Variants in CDH4 observed in about 807,000 individuals in gnomAD.
The protein encoded by CDH4 is cadherin 4.
In CDH4, 33 loss-of-function variants were observed where a neutral mutation model predicts 86.0. That is an observed-to-expected ratio of 0.38 (90% CI 0.29 to 0.51). The LOEUF is 0.51. Ranked by LOEUF, CDH4 falls within the 20% of genes least tolerant of loss-of-function variation. CDH4 has a pLI of 0.86. For synonymous variants in CDH4, 555 were observed against 549.4 expected (o/e 1.01, Z -0.14); for missense variants, 1,114 against 1,307.4 (o/e 0.85, Z 2.28).
intron 2 of CDH4, among the ~76,000 whole-genome samples, chr20:61,730,095 G>A (rs886551928): frequency 2.6e-5 from 4 of 152,114 alleles, no homozygotes; most frequent in Admixed American, 1.3e-4. Flanking sequence ...TCTTGCATTC[G>A]TGTGTTGCAT....
intron 2 of CDH4, among the ~76,000 whole-genome samples, chr20:61,266,061 G>A (rs2084156653): frequency 6.6e-6 from 1 of 152,162 alleles, no homozygotes; most frequent in African/African-American, 2.4e-5. Flanking sequence ...GAGTATGTGG[G>A]GATTTAGGGA....
At chr20:61,278,211 ATCATT>A (rs1207164325) in intron 2 of CDH4, among the ~76,000 whole-genome samples, 1 of 152,224 alleles carries the variant, frequency 6.6e-6, no homozygotes. Context: ...CATTGCCTGT[ATCATT>A]TCACTGCTGA....
chr20:61,658,683 T>C (rs2087219013), intron 2 of CDH4, among the ~76,000 whole-genome samples: 1 of 152,162 alleles, frequency 6.6e-6, no homozygotes, highest in Non-Finnish European at 1.5e-5. Context: ...GGGCCCGGGC[T>C]TGGGGGTCTG....
intron 2 of CDH4, among the ~76,000 whole-genome samples, chr20:61,571,885 A>C (rs2086344765): frequency 6.6e-6 from 1 of 151,148 alleles, no homozygotes; most frequent in African/African-American, 2.4e-5. Context: ...TGGTGTCCCT[A>C]CCTCGGCTCT....
At chr20:61,820,826 A>G (rs1188253536) in intron 4 of CDH4, among the ~76,000 whole-genome samples, 1 of 152,134 alleles carries the variant, frequency 6.6e-6, no homozygotes, top group Non-Finnish European at 1.5e-5. Flanking sequence ...GATCAGCTCA[A>G]GGCAGCCAGG....
At chr20:61,363,171 C>T (rs925597041) in intron 2 of CDH4, among the ~76,000 whole-genome samples, 2 of 152,142 alleles carry the variant, frequency 1.3e-5, no homozygotes, top group African/African-American at 4.8e-5. Context: ...AGCACTGGAC[C>T]GAGGACCTGA....
At chr20:61,724,584 G>T (rs1162058140) in intron 2 of CDH4, among the ~76,000 whole-genome samples, 2 of 152,194 alleles carry the variant, frequency 1.3e-5, no homozygotes, top group Admixed American at 1.3e-4. Flanking sequence ...AGAGATGAGG[G>T]TGTCTCCTGC....
rs529353731 is a variant in CDH4, at chr20:61,314,998, T to A, written c.169+60061T>A. 3.3e-5 allele frequency among the ~76,000 whole-genome samples: 5 copies of A among 152,360 alleles called. No individual in the cohort carries two copies. In the South Asian group the frequency reaches 8.3e-4, roughly 25 times the overall value. On this transcript the variant is annotated intron_variant, in intron 2 of 15. Transcript: ENST00000614565. ...ATTGTTTTCTTGCTATTGATTTGTTTGCATTCCTTATGTATTTTGGCTATC... is the reference window on the plus strand; with the variant it reads ...ATTGTTTTCTTGCTATTGATTTGTTAGCATTCCTTATGTATTTTGGCTATC...
chr20:61,847,682 G>A (rs1982519975), intron 5 of CDH4, among the ~76,000 whole-genome samples: 1 of 152,206 alleles, frequency 6.6e-6, no homozygotes, highest in Non-Finnish European at 1.5e-5. Flanking sequence ...TCTGCAGGCT[G>A]TACAGGAAGT....
intron 2 of CDH4, among the ~76,000 whole-genome samples, chr20:61,694,300 G>T (rs954611123): frequency 6.6e-6 from 1 of 152,110 alleles, no homozygotes; most frequent in Non-Finnish European, 1.5e-5. Context: ...ACCAGGCACT[G>T]CTGTTTCTAC....
chr20:61,752,575 G>A (rs1226833404), intron 3 of CDH4, among the ~76,000 whole-genome samples: 4 of 152,152 alleles, frequency 2.6e-5, no homozygotes, highest in East Asian at 1.9e-4. Context: ...TGTACGGGAC[G>A]TTAAGAGAAA....
intron 2 of CDH4, among the ~76,000 whole-genome samples, chr20:61,733,589 C>T (rs913166879): frequency 6.6e-6 from 1 of 152,088 alleles, no homozygotes; most frequent in East Asian, 1.9e-4. Flanking sequence ...TGTGGGCTGA[C>T]TGCCCAGCAC....
intron 2 of CDH4, among the ~76,000 whole-genome samples, chr20:61,256,440 G>A (rs764641788): frequency 2.0e-5 from 3 of 152,124 alleles, no homozygotes; most frequent in Admixed American, 1.3e-4. Flanking sequence ...TTTCTACAAC[G>A]CAGCGTGAGA....
chr20:61,776,737 C>T (rs991458995), intron 4 of CDH4, among the ~76,000 whole-genome samples: 2 of 152,202 alleles, frequency 1.3e-5, no homozygotes, highest in Non-Finnish European at 2.9e-5. Flanking sequence ...CGAGGGTGGC[C>T]TGTGCTCCAG....
intron 2 of CDH4, among the ~76,000 whole-genome samples, chr20:61,361,076 C>T (rs1007911748): frequency 2.6e-5 from 4 of 152,184 alleles, no homozygotes; most frequent in Middle Eastern, 3.4e-3. Context: ...AGGCAAGAGA[C>T]GAGGCTGGCG....
chr20:61,871,397 G>T (rs1392978142), intron 6 of CDH4, among the ~76,000 whole-genome samples: 1 of 152,136 alleles, frequency 6.6e-6, no homozygotes, highest in Non-Finnish European at 1.5e-5. Flanking sequence ...CTTTTAAAAA[G>T]GAGGCTGTGT....
intron 2 of CDH4, among the ~76,000 whole-genome samples, chr20:61,650,260 A>C (rs575471045): frequency 1.2e-3 from 177 of 152,270 alleles, no homozygotes; most frequent in African/African-American, 4.0e-3. Flanking sequence ...TGCTCTGGTC[A>C]CCGCTGACCT....
chr20:61,574,840 G>A (rs925483794), intron 2 of CDH4, among the ~76,000 whole-genome samples: 4 of 152,336 alleles, frequency 2.6e-5, no homozygotes, highest in Admixed American at 2.6e-4. Flanking sequence ...GCTGCCATAT[G>A]CCTGAGCCAT....
At chr20:61,291,764 G>A (rs903741285) in intron 2 of CDH4, among the ~76,000 whole-genome samples, 3 of 151,960 alleles carry the variant, frequency 2.0e-5, no homozygotes, top group Admixed American at 6.6e-5. Flanking sequence ...TTTCCTTTAG[G>A]TTCGGGGGTA....
Sources: allele counts gnomAD v4.1 joint callset (sites outside exome capture counted in the v4.1 genomes callset), GRCh38; gene constraint gnomAD v4.1.1; transcripts MANE v1.5; gene names NCBI Gene and HGNC (gene_info 2026-07-23, HGNC 2026-07-21).